PYGM: variants seen among roughly 807,000 people sequenced by gnomAD.
The protein encoded by PYGM is glycogen phosphorylase, muscle associated.
A neutral mutation model predicts 99.3 loss-of-function variants in PYGM; 81 were observed. The ratio of observed to expected loss-of-function variants is 0.82; its 90% confidence interval spans 0.68 to 0.98. The LOEUF (loss-of-function observed/expected upper bound fraction) is 0.98, where lower values mean the gene tolerates loss of function less well. Ranked by LOEUF, PYGM falls within the 50% of genes least tolerant of loss-of-function variation. The pLI is 0.00. For synonymous variants in PYGM, 436 were observed against 451.5 expected (o/e 0.97, Z 0.44); for missense variants, 1,030 against 1,158.1 (o/e 0.89, Z 1.61).
chr11:64,757,689 G>A (rs1391368087), intron 5 of PYGM, 90 bp downstream of exon 5: 17 of 1,574,364 alleles, frequency 1.1e-5, no homozygotes, highest in Non-Finnish European at 1.5e-5. Context: ...ATCCTCAGGT[G>A]TAAAATACAC....
Position 64,753,123 on chromosome 11 carries a change from G to A in PYGM, c.1468C>T (p.Arg490Trp), listed in dbSNP as rs765612286. The part of the protein sequence containing the change: ...FQNKTNGITP[R>W]RWLVLCNPGL... ...GGGTTACACAGAACCAGCCAGCGCC[G>A]AGGGGTGATGCCGTTGGTCTTATTC... is the stretch of plus-strand genomic sequence containing the variant. The change falls in exon 12 of 20, where the codon CGG (arginine) becomes TGG (tryptophan). Residue 490 changes from arginine to tryptophan, a missense_variant. Physicochemically the swap from Arg to Trp is moderately radical, Grantham distance 101. Transcript: ENST00000164139. 4.3e-6 allele frequency: 7 copies of A among 1,614,038 alleles called. No homozygotes were observed. The highest frequency in any genetic ancestry group is 2.2e-5 in the South Asian group (2 of 91,078).
chr11:64,751,497 C>T, intron 15 of PYGM, 31 bp from the exon 16 acceptor site: 8 of 1,614,174 alleles, frequency 5.0e-6, no homozygotes, highest in Non-Finnish European at 6.8e-6. Context: ...GTCAGCTCTA[C>T]TGCCTGGCCC....
Position 64,754,530 on chromosome 11 carries a change from C to G in PYGM, c.999+163G>C. ...GAGTGGGGCGGGAGGAGGAGGGAAG[C>G]CCAGGTTCTGAGCCTGTGGATTGTG... On this transcript the variant is annotated intron_variant, in intron 8 of 19. Coordinates refer to ENST00000164139, the MANE Select transcript of PYGM (RefSeq NM_005609.4). This position sits in a 1 kb window ranked among gnomAD's most constrained non-coding sequence, Gnocchi z 5.5. 1 of 1,163,742 alleles carries G rather than the reference C, an allele frequency of 8.6e-7. No individual in the cohort carries two copies. Among genetic ancestry groups the G allele is most frequent in the Non-Finnish European group, 1.2e-6 (1 of 820,516 alleles). The allele number at this position is 1,163,742 out of a possible 1,614,324, so 72.1% of individuals were successfully genotyped here. A position where few individuals can be genotyped will look rare whatever the true frequency, so the allele number is the denominator to read the frequency against.
chr11:64,760,103 G>A, upstream of PYGM: 2 of 788,362 alleles, frequency 2.5e-6, no homozygotes, highest in South Asian at 1.8e-5. Flanking sequence ...GAGAGGAGAG[G>A]GGAGGGAGAG....
Position 64,758,460 on chromosome 11 carries a change from T to C in PYGM, c.401A>G (p.Asn134Ser). The change falls in exon 3 of 20, where the codon AAC (asparagine) becomes AGC (serine). Residue 134 changes from asparagine (N) to serine (S), a missense_variant. By Grantham distance (46) the Asn-to-Ser change is conservative. Transcript: ENST00000164139. The stretch of plus-strand genomic sequence containing the variant: ...ACCTGCCAGCCGGCCCAGGCCCCCG[T>C]TGCCCAGCCCCGCATCCTCCTCAAT... ...EEIEEDAGLG[N>S]GGLGRLAACF... 1 of 1,613,934 alleles carries C rather than the reference T, an allele frequency of 6.2e-7. No homozygotes were observed. The highest frequency in any genetic ancestry group is 8.5e-7 in the Non-Finnish European group (1 of 1,179,978).
At chr11:64,752,118 G>A in intron 13 of PYGM, 47 bp from the exon 14 acceptor site, 1 of 1,613,410 alleles carries the variant, frequency 6.2e-7, no homozygotes, top group Non-Finnish European at 8.5e-7. Context: ...CACAGCCTCA[G>A]GAAATCCTAC....
Position 64,755,171 on chromosome 11 carries a change from CT to C in PYGM, c.855+101del. 7.5e-7 allele frequency: 1 copy of C among 1,332,128 alleles called. No homozygotes were observed. The highest frequency in any genetic ancestry group is 1.1e-6 in the Non-Finnish European group (1 of 931,320). 82.5% of individuals were successfully genotyped at this position (1,332,128 alleles called of 1,614,324 possible). On this transcript the variant is annotated intron_variant, in intron 7 of 19. Coordinates refer to ENST00000164139, the MANE Select transcript of PYGM (RefSeq NM_005609.4). This position sits in a 1 kb window ranked among gnomAD's most constrained non-coding sequence, Gnocchi z 4.1. ...GGATGCACAAGGCCAGCAATATGCC[CT>C]GGGTGTGACTAGGGCACCAGCAAGT... is the stretch of plus-strand genomic sequence containing the variant.
At chr11:64,760,143 C>T, upstream of PYGM, 2 of 581,864 alleles carry the variant, frequency 3.4e-6, no homozygotes. Flanking sequence ...CCAAGACTGG[C>T]CTGGCTTGTT....
chr11:64,757,649 G>C, intron 5 of PYGM, 130 bp downstream of exon 5: 15 of 1,362,644 alleles, frequency 1.1e-5, no homozygotes, highest in Non-Finnish European at 1.2e-5. Flanking sequence ...GTGACTTTGA[G>C]TAAGTCACTT....
Position 64,755,870 on chromosome 11 carries a change from G to A in PYGM, c.661-312C>T, listed in dbSNP as rs928748780. ...CTGTTGGCGACCACTCTGCAGCAATGGGGGCTGGGCTGGCCAGCCTGGCCT... is the reference window on the plus strand; with the variant it reads ...CTGTTGGCGACCACTCTGCAGCAATAGGGGCTGGGCTGGCCAGCCTGGCCT... On this transcript the variant is annotated intron_variant, in intron 5 of 19. Transcript: ENST00000164139. This position sits in a 1 kb window ranked among gnomAD's most constrained non-coding sequence, Gnocchi z 4.1. Among the ~76,000 whole-genome samples the A allele has an allele frequency of 6.6e-6, 1 of 152,148 alleles. No homozygotes were observed. Among genetic ancestry groups the A allele is most frequent in the Non-Finnish European group, 1.5e-5 (1 of 67,998 alleles).
rs947908320 is a variant in PYGM, at chr11:64,751,677, C to A, written c.1769-22G>T. On this transcript the variant is annotated intron_variant, in intron 14 of 19. Transcript: ENST00000164139. ...ATGCCTGTGGAGAAACGAGAGGGAT[C>A]CAGTGGGCCTACCTTTCCCTCTGGG... 3 of 1,613,598 alleles carry A rather than the reference C, an allele frequency of 1.9e-6. No homozygotes were observed. In the African/African-American group the frequency reaches 4.0e-5, roughly 22 times the overall value.
Position 64,753,619 on chromosome 11 carries a change from C to T in PYGM, c.1303G>A (p.Gly435Ser). The change falls in exon 11 of 20, where the codon GGC becomes AGC. Residue 435 changes from glycine to serine, a missense_variant. Gly to Ser is a moderately conservative substitution (Grantham distance 56). Transcript: ENST00000164139. ...GCCATGTTGATGCGCTTCACTGCGCCCTCCTCCACCAGCGACATGCGCCGC... is the reference window on the plus strand; with the variant it reads ...GCCATGTTGATGCGCTTCACTGCGCTCTCCTCCACCAGCGACATGCGCCGC... ...RLRRMSLVEEGAVKRINMAHL... is the reference protein window; with the variant it reads ...RLRRMSLVEESAVKRINMAHL... 2 of 1,608,972 alleles carry T rather than the reference C, an allele frequency of 1.2e-6. No individual in the cohort carries two copies. The highest frequency in any genetic ancestry group is 1.7e-6 in the Non-Finnish European group (2 of 1,179,418).
rs370091918 is a variant in PYGM, at chr11:64,746,531, G to A, written c.*128C>T. ...CTGGACACTGGGACATTGAGAGTGGGGAAAATGAGGGTTCCAGGAGGGGCT... is the reference window on the plus strand; with the variant it reads ...CTGGACACTGGGACATTGAGAGTGGAGAAAATGAGGGTTCCAGGAGGGGCT... On this transcript the variant is annotated 3_prime_UTR_variant, in exon 20 of 20. Coordinates refer to ENST00000164139, the MANE Select transcript of PYGM (RefSeq NM_005609.4). 1 of 1,322,218 alleles carries A rather than the reference G, an allele frequency of 7.6e-7. No individual in the cohort carries two copies. Among genetic ancestry groups the A allele is most frequent in the Non-Finnish European group, 1.1e-6 (1 of 936,598 alleles). 81.9% of individuals were successfully genotyped at this position (1,322,218 alleles called of 1,614,324 possible). A position where few individuals can be genotyped will look rare whatever the true frequency, so the allele number is the denominator to read the frequency against.
Position 64,753,527 on chromosome 11 carries a change from C to G in PYGM, c.1395G>C (p.Lys465Asn), listed in dbSNP as rs555057489. 6.3e-7 allele frequency: 1 copy of G among 1,592,456 alleles called. No individual in the cohort carries two copies. The highest frequency in any genetic ancestry group is 8.5e-7 in the Non-Finnish European group (1 of 1,173,310). Residue 465 changes from lysine to asparagine, a missense_variant, in exon 11 of 20, where the codon AAG becomes AAC. Physicochemically the swap from Lys to Asn is moderately conservative, Grantham distance 94. Transcript: ENST00000164139. The part of the protein sequence containing the change: ...GVARIHSEIL[K>N]KTIFKDFYEL... ...TGGAAAGCGGGGCTCACATGGTCTT[C>G]TTGAGGATCTCGGAGTGGATGCGCG...
intron 10 of PYGM, 74 bp from the exon 11 acceptor site, chr11:64,753,756 G>A (rs2058373935): frequency 3.6e-6 from 5 of 1,382,078 alleles, no homozygotes; most frequent in African/African-American, 1.5e-5. Context: ...CACACCCCCA[G>A]AGCTCTGCCC....
chr11:64,758,447 G>T lies in PYGM; in HGVS notation c.414C>A (p.Gly138=), dbSNP rs757263362. ...GCCCTGTCTTCTTACCTGCCAGCCG[G>T]CCCAGGCCCCCGTTGCCCAGCCCCG... is the stretch of plus-strand genomic sequence containing the variant. ...EDAGLGNGGL[G]RLAACFLDSM... The change falls in exon 3 of 20, where the codon GGC becomes GGA. Residue 138 remains glycine, a synonymous_variant. Coordinates refer to ENST00000164139, the MANE Select transcript of PYGM (RefSeq NM_005609.4). 2 of 1,613,880 alleles carry T rather than the reference G, an allele frequency of 1.2e-6. No individual in the cohort carries two copies. The highest frequency in any genetic ancestry group is 1.7e-6 in the Non-Finnish European group (2 of 1,180,010).
chr11:64,758,839 CCT>C, intron 1 of PYGM, 135 bp from the exon 2 acceptor site: 2 of 804,790 alleles, frequency 2.5e-6, no homozygotes, highest in South Asian at 1.4e-5. Flanking sequence ...TTTGTTTCTC[CCT>C]GTCTCAGGCT....
In PYGM at chr11:64,754,263, T is replaced by G; in HGVS notation, c.1082A>C (p.Asp361Ala). The change falls in exon 9 of 20, where the codon GAC becomes GCC. Residue 361 changes from aspartate to alanine, a missense_variant. By Grantham distance (126) the Asp-to-Ala change is moderately radical. Transcript: ENST00000164139. The surrounding 1 kb of genome is among the most constrained non-coding windows in gnomAD (Gnocchi z 5.5). ...MRILVDLERM[D>A]WDKAWDVTVR... ...GGCCCTGAAGCCCACCTTGTCCCAG[T>G]CCATCCGTTCCAGGTCCACCAGGAT... is the stretch of plus-strand genomic sequence containing the variant. The G allele has an allele frequency of 6.2e-7, 1 of 1,612,870 alleles. No homozygotes were observed. Among genetic ancestry groups the G allele is most frequent in the Non-Finnish European group, 8.5e-7 (1 of 1,179,226 alleles).
At chr11:64,751,870 G>A in intron 14 of PYGM, 54 bp downstream of exon 14, 3 of 1,608,456 alleles carry the variant, frequency 1.9e-6, no homozygotes, top group Non-Finnish European at 2.6e-6. Flanking sequence ...TATGTACTAT[G>A]CCGCAGGAAC....
Sources: gnomAD v4.1 joint callset for allele counts (sites outside exome capture counted in the v4.1 genomes callset) on GRCh38, gnomAD v4.1.1 for gene constraint, Gnocchi (gnomAD v3.1) non-coding constraint, MANE v1.5 for transcripts, NCBI Gene and HGNC (gene_info 2026-07-23, HGNC 2026-07-21) for gene names.